The following ITCH variants were observed in gnomAD, a reference collection of about 807,000 sequenced individuals.
ITCH encodes itchy E3 ubiquitin protein ligase.
A neutral mutation model predicts 126.8 loss-of-function variants in ITCH; 28 were observed. The ratio of observed to expected loss-of-function variants is 0.22; its 90% confidence interval spans 0.16 to 0.30. The LOEUF (loss-of-function observed/expected upper bound fraction) is 0.30, where lower values mean the gene tolerates loss of function less well. ITCH is among the 10% of genes least tolerant of loss of function. The pLI is 1.00. For synonymous variants in ITCH, 342 were observed against 340.0 expected (o/e 1.01, Z -0.06); for missense variants, 631 against 1,032.4 (o/e 0.61, Z 5.33).
chr20:34,369,424 G>A lies in ITCH; in HGVS notation c.-68G>A. The A allele has an allele frequency of 2.5e-6, 1 of 399,030 alleles. No individual in the cohort carries two copies. 24.7% of individuals were successfully genotyped at this position (399,030 alleles called of 1,614,324 possible). A position where few individuals can be genotyped will look rare whatever the true frequency, so the allele number is the denominator to read the frequency against. Reference sequence around the variant, plus strand: ...ATGCATTTCACGGTGGCCTTGTGGAGACAACGCCTTAACCCAAGGAAGTGA... The same window carrying A: ...ATGCATTTCACGGTGGCCTTGTGGAAACAACGCCTTAACCCAAGGAAGTGA... On this transcript the variant is annotated 5_prime_UTR_variant, in exon 2 of 25. Coordinates refer to ENST00000374864, the MANE Select transcript of ITCH (RefSeq NM_031483.7).
At chr20:34,476,196 CACA>C (rs757133045) in intron 16 of ITCH, 34 of 802,604 alleles carry the variant, frequency 4.2e-5, no homozygotes, top group Admixed American at 5.1e-5. Flanking sequence ...TATTTTCAAC[CACA>C]ACGTCTAGCA....
At chr20:34,455,419 T>C (rs1379334292) in intron 12 of ITCH, among the ~76,000 whole-genome samples, 1 of 152,000 alleles carries the variant, frequency 6.6e-6, no homozygotes, top group Non-Finnish European at 1.5e-5. Context: ...ACAGCAGAAC[T>C]GTTAAAATTT....
intron 13 of ITCH, among the ~76,000 whole-genome samples, chr20:34,458,612 C>T (rs1986239136): frequency 6.6e-6 from 1 of 152,142 alleles, no homozygotes. Context: ...CTTGAGATCA[C>T]GATGTCAGCA....
chr20:34,462,870 T>G (rs1986671769), intron 14 of ITCH, among the ~76,000 whole-genome samples: 2 of 152,238 alleles, frequency 1.3e-5, no homozygotes. Flanking sequence ...TATGCTTATG[T>G]TTCTGGATTA....
chr20:34,417,209 ATC>A (rs1338894331), intron 6 of ITCH: 1 of 637,022 alleles, frequency 1.6e-6, no homozygotes, highest in Non-Finnish European at 2.8e-6. Context: ...TGATTCTCCT[ATC>A]TCAGCCTCCC....
chr20:34,424,534 T>C lies in ITCH; in HGVS notation c.521+9T>C, dbSNP rs1255235481. ...TCCAAGGATGAAACAAGGTAAGCAT[T>C]CACTGATTGCTTACCACAGAATGCG... On this transcript the variant is annotated intron_variant, in intron 7 of 24. Coordinates refer to ENST00000374864, the MANE Select transcript of ITCH (RefSeq NM_031483.7). 4 of 1,608,486 alleles carry C rather than the reference T, an allele frequency of 2.5e-6. No homozygotes were observed. The Admixed American group carries it at 6.7e-5, about 27-fold the overall frequency.
rs546491341 is a variant in ITCH at position 34,404,725 on chromosome 20, ATG to A, written c.71-3922_71-3921del. ...ACCACGTTCGGCCGCTTCTCTTTTT[ATG>A]TGTAAAAATTAGGACAGTAATACCT... is the stretch of plus-strand genomic sequence containing the variant. On this transcript the variant is annotated intron_variant, in intron 3 of 24. Transcript: ENST00000374864. Among the ~76,000 whole-genome samples, 630 of 152,118 alleles carry A rather than the reference ATG, an allele frequency of 4.1e-3. 2 individuals are homozygous for A. The highest frequency in any genetic ancestry group is 0.031 in the Middle Eastern group (9 of 294).
At chr20:34,388,070 A>G (rs773927214) in intron 2 of ITCH, among the ~76,000 whole-genome samples, 1 of 151,546 alleles carries the variant, frequency 6.6e-6, no homozygotes, top group African/African-American at 2.4e-5. Context: ...AAGTAAAGCT[A>G]TAGATTGCAT....
chr20:34,370,494 T>C (rs2037581467), intron 2 of ITCH, among the ~76,000 whole-genome samples: 1 of 152,012 alleles, frequency 6.6e-6, no homozygotes, highest in African/African-American at 2.4e-5. Context: ...TGAAACTCCA[T>C]CTCTACTAAG....
At chr20:34,468,180 G>A (rs562966640) in intron 14 of ITCH, among the ~76,000 whole-genome samples, 1 of 151,230 alleles carries the variant, frequency 6.6e-6, no homozygotes, top group Non-Finnish European at 1.5e-5. Context: ...GACTACAGAC[G>A]CCCGCCACCA....
At chr20:34,475,682 C>T (rs969936741) in intron 16 of ITCH, among the ~76,000 whole-genome samples, 3 of 136,304 alleles carry the variant, frequency 2.2e-5, no homozygotes, top group Non-Finnish European at 3.1e-5. Flanking sequence ...GAGAGGGAGA[C>T]GGGAGAGGCA....
chr20:34,401,305 A>C (rs1049477294), intron 3 of ITCH, among the ~76,000 whole-genome samples: 1 of 151,406 alleles, frequency 6.6e-6, no homozygotes, highest in Non-Finnish European at 1.5e-5. Flanking sequence ...TGACCGGGAA[A>C]TTTTTTTTTA....
At chr20:34,445,260 G>A in intron 10 of ITCH, 27 bp from the exon 11 acceptor site, 2 of 1,435,910 alleles carry the variant, frequency 1.4e-6, no homozygotes, top group South Asian at 2.5e-5. Flanking sequence ...GAATTAGCTT[G>A]TTTTTTTTTT....
chr20:34,387,815 T>C (rs1352710326), intron 2 of ITCH, among the ~76,000 whole-genome samples: 2 of 151,930 alleles, frequency 1.3e-5, no homozygotes, highest in East Asian at 3.9e-4. Context: ...AGCGGTTCTC[T>C]TGCCTCAGCC....
chr20:34,383,089 G>A (rs974547273), intron 2 of ITCH, among the ~76,000 whole-genome samples: 2 of 151,316 alleles, frequency 1.3e-5, no homozygotes, highest in Non-Finnish European at 2.9e-5. Flanking sequence ...TTGCTCAGCC[G>A]GGAATGCAGT....
At chr20:34,411,268 C>T (rs558849001) in intron 4 of ITCH, among the ~76,000 whole-genome samples, 1 of 152,162 alleles carries the variant, frequency 6.6e-6, no homozygotes, top group Non-Finnish European at 1.5e-5. Flanking sequence ...TCTCATGCCT[C>T]AGCCTCCTGA....
rs78903106 is a variant in ITCH at position 34,378,023 on chromosome 20, CT to C, written c.-22+8567del. Among the ~76,000 whole-genome samples, 723 of 143,802 alleles carry C rather than the reference CT, an allele frequency of 5.0e-3. 1 individual carries two copies. The highest frequency in any genetic ancestry group is 4.7e-3 in the Non-Finnish European group (305 of 65,158). The allele number at this position is 143,802 out of a possible 152,430, so 94.3% of individuals were successfully genotyped here. On this transcript the variant is annotated intron_variant, in intron 2 of 24. Coordinates refer to ENST00000374864, the MANE Select transcript of ITCH (RefSeq NM_031483.7). The stretch of plus-strand genomic sequence containing the variant: ...TGTTCTGTTTATACTTCTCATGAAA[CT>C]TTTTTTTTTTTTTAACATACCTGGG...
At chr20:34,389,617 T>TG (rs2038413301) in intron 2 of ITCH, among the ~76,000 whole-genome samples, 1 of 151,954 alleles carries the variant, frequency 6.6e-6, no homozygotes, top group Admixed American at 6.6e-5. Context: ...AGTAGAAACT[T>TG]AGGAACAGAA....
intron 23 of ITCH, among the ~76,000 whole-genome samples, chr20:34,494,849 T>A (rs1353140811): frequency 6.6e-6 from 1 of 151,916 alleles, no homozygotes; most frequent in Non-Finnish European, 1.5e-5. Flanking sequence ...GTCCCTGCTA[T>A]TCAGGAGGTT....
Sources: gnomAD v4.1 joint callset for allele counts (sites outside exome capture counted in the v4.1 genomes callset) on GRCh38, gnomAD v4.1.1 for gene constraint, MANE v1.5 for transcripts, NCBI Gene and HGNC (gene_info 2026-07-23, HGNC 2026-07-21) for gene names.